UST: variants seen among roughly 807,000 people sequenced by gnomAD.
UST encodes chondroitin sulfate 2-O-sulfotransferase.
In UST, 21 loss-of-function variants were observed where a neutral mutation model predicts 45.6. The ratio of observed to expected loss-of-function variants is 0.46; its 90% CI spans 0.33 to 0.66. The LOEUF is 0.66. Ranked by LOEUF, UST falls within the 30% of genes least tolerant of loss-of-function variation. UST has a pLI of 0.02. For missense variants in UST, 463 were observed against 512.4 expected (o/e 0.90, Z 0.93); for synonymous variants, 215 against 200.6 (o/e 1.07, Z -0.61).
chr6:148,764,920 T>C (rs1421263473), intron 1 of UST, among the ~76,000 whole-genome samples: 1 of 152,180 alleles, frequency 6.6e-6, no homozygotes, highest in Non-Finnish European at 1.5e-5. Flanking sequence ...TGCAGGAGAC[T>C]AGGGTGTGTT....
chr6:149,026,519 AT>A (rs1016771369), intron 7 of UST, among the ~76,000 whole-genome samples: 1 of 152,164 alleles, frequency 6.6e-6, no homozygotes, highest in African/African-American at 2.4e-5. Flanking sequence ...TCTAGTCATA[AT>A]TTTTAGGAGC....
rs137900393 is a variant in UST at position 148,917,904 on chromosome 6, A to T, written c.292-23375A>T. On this transcript the variant is annotated intron_variant, in intron 2 of 7. Coordinates refer to ENST00000367463, the MANE Select transcript of UST (RefSeq NM_005715.3). The stretch of plus-strand genomic sequence containing the variant: ...TAGACCGTGGAACTCATTTTCAGAA[A>T]TGACCGAAGCAGCATTTCTTGATCT... Among the ~76,000 whole-genome samples, 337 of 152,328 alleles carry T rather than the reference A, an allele frequency of 2.2e-3. 4 individuals are homozygous for T. The highest frequency in any genetic ancestry group is 0.012 in the South Asian group (56 of 4,820).
At chr6:148,876,196 AAG>A (rs1368255053) in intron 1 of UST, among the ~76,000 whole-genome samples, 1 of 152,058 alleles carries the variant, frequency 6.6e-6, no homozygotes, top group Non-Finnish European at 1.5e-5. Context: ...GAATGGGAGC[AAG>A]AGAGAGAGTG....
intron 1 of UST, among the ~76,000 whole-genome samples, chr6:148,858,496 C>CT (rs143151771): frequency 0.52 from 75,677 of 146,326 alleles, 19,935 homozygotes; most frequent in East Asian, 0.98. Flanking sequence ...TTGCATCTTT[C>CT]TTTTTTTTTT....
intron 2 of UST, among the ~76,000 whole-genome samples, chr6:148,890,698 C>A (rs529577254): frequency 1.3e-5 from 2 of 152,236 alleles, no homozygotes; most frequent in East Asian, 3.9e-4. Context: ...TAAGAAAAAA[C>A]AAAGCCCTCT....
At chr6:148,968,504 C>T (rs924438515) in intron 5 of UST, among the ~76,000 whole-genome samples, 1 of 152,192 alleles carries the variant, frequency 6.6e-6, no homozygotes, top group African/African-American at 2.4e-5. Context: ...GGGTGGGAGT[C>T]CTCTGAACCC....
At chr6:148,982,860 C>T (rs1231871681) in intron 5 of UST, among the ~76,000 whole-genome samples, 4 of 152,162 alleles carry the variant, frequency 2.6e-5, no homozygotes, top group African/African-American at 9.7e-5. Flanking sequence ...TGGGAAAGCT[C>T]TTCTAAACTG....
chr6:148,848,320 AT>A (rs1305082338), intron 1 of UST, among the ~76,000 whole-genome samples: 1 of 152,212 alleles, frequency 6.6e-6, no homozygotes, highest in Non-Finnish European at 1.5e-5. Flanking sequence ...TTAAAAAAAA[AT>A]TCAATGTTTT....
At chr6:149,008,182 CA>C (rs1286743480) in intron 5 of UST, among the ~76,000 whole-genome samples, 1 of 151,922 alleles carries the variant, frequency 6.6e-6, no homozygotes, top group African/African-American at 2.4e-5. Flanking sequence ...ATTTATTTTG[CA>C]AAAAATGAGG....
At chr6:148,812,826 G>A (rs918061546) in intron 1 of UST, among the ~76,000 whole-genome samples, 1 of 152,204 alleles carries the variant, frequency 6.6e-6, no homozygotes, top group African/African-American at 2.4e-5. Context: ...GCATGGGAGA[G>A]GACTGTTCAT....
intron 2 of UST, among the ~76,000 whole-genome samples, chr6:148,899,009 A>G (rs143313420): frequency 1.5e-3 from 233 of 150,822 alleles, no homozygotes; most frequent in African/African-American, 5.5e-3. Flanking sequence ...TCCTTGGCAG[A>G]GTGGCAGTTG....
At chr6:148,747,801 G>A in intron 1 of UST, 124 bp downstream of exon 1, 1 of 1,258,796 alleles carries the variant, frequency 7.9e-7, no homozygotes, top group Non-Finnish European at 1.0e-6. Context: ...GTCTCTCCAG[G>A]TGCTAAGCCC....
At chr6:148,770,452 G>A (rs1019401349) in intron 1 of UST, among the ~76,000 whole-genome samples, 30 of 151,630 alleles carry the variant, frequency 2.0e-4, no homozygotes, top group Admixed American at 1.3e-4. Flanking sequence ...TAGGGGAAGG[G>A]AAGAGGGTTG....
intron 7 of UST, among the ~76,000 whole-genome samples, chr6:149,049,976 T>C (rs892583531): frequency 6.9e-6 from 1 of 145,274 alleles, no homozygotes; most frequent in East Asian, 2.0e-4. Context: ...CGTGGCCCTT[T>C]CTTGTATACA....
At chr6:149,011,566 T>G (rs182089152) in intron 5 of UST, among the ~76,000 whole-genome samples, 4 of 152,334 alleles carry the variant, frequency 2.6e-5, no homozygotes, top group East Asian at 1.9e-4. Context: ...TTTCTATTTT[T>G]GGGGGAGGCC....
At chr6:148,870,091 C>G (rs1231608749) in intron 1 of UST, among the ~76,000 whole-genome samples, 2 of 144,030 alleles carry the variant, frequency 1.4e-5, no homozygotes, top group Non-Finnish European at 3.0e-5. Flanking sequence ...CCCAGCTTCA[C>G]AGTGGTAATG....
At chr6:148,787,848 A>T (rs1345249713) in intron 1 of UST, among the ~76,000 whole-genome samples, 1 of 152,200 alleles carries the variant, frequency 6.6e-6, no homozygotes, top group African/African-American at 2.4e-5. Flanking sequence ...CAGTGCTATT[A>T]AAAAATTGTA....
chr6:148,849,973 TTATGTGCCAGATACTGTTC>T (rs1343029629), intron 1 of UST, among the ~76,000 whole-genome samples: 3 of 152,186 alleles, frequency 2.0e-5, no homozygotes, highest in African/African-American at 7.2e-5. Flanking sequence ...TTACTGCTTA[TTATGTGCCAGATACTGTTC>T]TATGTGGTAT....
At chr6:148,861,189 A>G (rs1306139815) in intron 1 of UST, among the ~76,000 whole-genome samples, 2 of 152,148 alleles carry the variant, frequency 1.3e-5, no homozygotes, top group Non-Finnish European at 2.9e-5. Context: ...TTATTGGTCT[A>G]TTCAGGGATT....
Sources: gnomAD v4.1 joint callset for allele counts (sites outside exome capture counted in the v4.1 genomes callset) on GRCh38, gnomAD v4.1.1 for gene constraint, MANE v1.5 for transcripts, NCBI Gene and HGNC (gene_info 2026-07-23, HGNC 2026-07-21) for gene names.